JAK2: variants seen among roughly 807,000 people sequenced by gnomAD.
The protein encoded by JAK2 is tyrosine-protein kinase JAK2.
JAK2 carries 86 observed loss-of-function variants against 139.3 expected under a neutral mutation model. That is an observed-to-expected ratio of 0.62 (90% CI 0.52 to 0.74). The LOEUF is 0.74. JAK2 is among the 30% of genes least tolerant of loss of function. JAK2 has a pLI of 0.00. For missense variants in JAK2, 1,421 were observed against 1,360.3 expected (o/e 1.04, Z -0.70); for synonymous variants, 490 against 437.7 (o/e 1.12, Z -1.49).
rs1586816079 is a variant in JAK2, at chr9:5,110,882, A to G, written c.3060-12122A>G. On this transcript the variant is annotated intron_variant, in intron 22 of 24. Transcript: ENST00000381652. ...TGCCGCCGCGCCCAGCAGGGTTTCC[A>G]TGTCTGAGATGCCCGCTCTGGCCCC... is the stretch of plus-strand genomic sequence containing the variant. 1.1e-5 allele frequency: 6 copies of G among 525,844 alleles called. No individual in the cohort carries two copies. In the East Asian group the frequency reaches 1.9e-4, roughly 17 times the overall value. 32.6% of individuals were successfully genotyped at this position (525,844 alleles called of 1,614,324 possible).
rs1047822639 is a variant in JAK2 at position 5,127,983 on chromosome 9, A to ATCTT, written c.*1194_*1197dup. The ATCTT allele has an allele frequency of 3.9e-5, 9 of 231,828 alleles. No homozygotes were observed. The highest frequency in any genetic ancestry group is 1.1e-4 in the African/African-American group (5 of 45,202). The allele number at this position is 231,828 out of a possible 1,614,324, so 14.4% of individuals were successfully genotyped here. On this transcript the variant is annotated 3_prime_UTR_variant, in exon 25 of 25. Transcript: ENST00000381652. Reference sequence around the variant, plus strand: ...TAAGAAAAATGAGCATACATCTTAAATCTTTTCAATTAAGTATAAGGGGTT... The same window carrying ATCTT: ...TAAGAAAAATGAGCATACATCTTAAATCTTTCTTTTCAATTAAGTATAAGGGGTT...
rs1164815757 is a variant in JAK2, at chr9:5,041,500, G to A, written c.351-2903G>A. The A allele has an allele frequency of 1.6e-5, 9 of 579,396 alleles. No homozygotes were observed. In the Admixed American group the frequency reaches 2.0e-4, roughly 13 times the overall value. The allele number at this position is 579,396 out of a possible 1,614,324, so 35.9% of individuals were successfully genotyped here. ...CGATCATGAGCGGTACAGAAGATCG[G>A]GGACACATAGCGCGCCACGCCCATC... On this transcript the variant is annotated intron_variant, in intron 4 of 24. Coordinates refer to ENST00000381652, the MANE Select transcript of JAK2 (RefSeq NM_004972.4).
At chr9:5,052,693 C>T (rs980003187) in intron 6 of JAK2, among the ~76,000 whole-genome samples, 12 of 151,970 alleles carry the variant, frequency 7.9e-5, no homozygotes, top group Non-Finnish European at 1.2e-4. Flanking sequence ...TTTTTGTTTG[C>T]GTGGATTTTC....
chr9:5,047,047 A>G (rs1288921969), intron 5 of JAK2, among the ~76,000 whole-genome samples: 1 of 152,216 alleles, frequency 6.6e-6, no homozygotes, highest in Non-Finnish European at 1.5e-5. Flanking sequence ...CTTATCTAGC[A>G]TGGCAAGGTA....
chr9:5,039,604 A>G lies in JAK2; in HGVS notation c.351-4799A>G, dbSNP rs546048348. 3.3e-5 allele frequency among the ~76,000 whole-genome samples: 5 copies of G among 152,286 alleles called. No individual in the cohort carries two copies. In the East Asian group the frequency reaches 7.7e-4, roughly 23 times the overall value. The stretch of plus-strand genomic sequence containing the variant: ...ATTAAAAATCCTAAGGAATTAATAA[A>G]AAAACTATTAGAACTAATAAATGAG... On this transcript the variant is annotated intron_variant, in intron 4 of 24. Coordinates refer to ENST00000381652, the MANE Select transcript of JAK2 (RefSeq NM_004972.4).
At chr9:5,094,052 A>G (rs1220777340) in intron 22 of JAK2, 1 of 152,228 alleles carries the variant, frequency 6.6e-6, no homozygotes, top group African/African-American at 2.4e-5. Flanking sequence ...GCAATAGCAT[A>G]AAACGTAAAA....
chr9:5,056,263 T>G (rs1243739332), intron 8 of JAK2, among the ~76,000 whole-genome samples: 2 of 152,110 alleles, frequency 1.3e-5, no homozygotes, highest in African/African-American at 4.8e-5. Context: ...TTCTAAAAGA[T>G]TAACGCTTTC....
At chr9:5,001,507 C>CA (rs1359222354) in intron 2 of JAK2, among the ~76,000 whole-genome samples, 1 of 152,028 alleles carries the variant, frequency 6.6e-6, no homozygotes, top group African/African-American at 2.4e-5. Context: ...TTTCAAATGT[C>CA]AAAGCAACCA....
intron 5 of JAK2, among the ~76,000 whole-genome samples, chr9:5,047,423 T>C (rs1183640508): frequency 6.6e-6 from 1 of 152,216 alleles, no homozygotes; most frequent in African/African-American, 2.4e-5. Context: ...TGGGAATTAA[T>C]TGCCTTTATA....
chr9:5,063,898 G>C (rs1001600229), intron 8 of JAK2, among the ~76,000 whole-genome samples: 23 of 152,166 alleles, frequency 1.5e-4, no homozygotes, highest in Admixed American at 6.5e-5. Flanking sequence ...TGACTCACGC[G>C]TGTAATCCCA....
intron 22 of JAK2, chr9:5,112,453 C>G (rs553878411): frequency 6.0e-5 from 32 of 534,476 alleles, no homozygotes; most frequent in African/African-American, 4.2e-4. Context: ...GAAGAAGGAG[C>G]TGAAGGACCC....
chr9:5,032,081 G>A (rs915356899), intron 4 of JAK2, among the ~76,000 whole-genome samples: 8 of 152,220 alleles, frequency 5.3e-5, no homozygotes, highest in Admixed American at 2.6e-4. Flanking sequence ...CTATTCTAAC[G>A]GTATTAGCAA....
intron 2 of JAK2, among the ~76,000 whole-genome samples, chr9:5,009,436 A>AT (rs879759168): frequency 1.9e-4 from 28 of 148,668 alleles, no homozygotes; most frequent in Admixed American, 2.7e-4. Flanking sequence ...ACTAGTCAGG[A>AT]TTTTTTTTTT....
chr9:5,095,605 A>T (rs1448738717), intron 22 of JAK2, among the ~76,000 whole-genome samples: 1 of 152,096 alleles, frequency 6.6e-6, no homozygotes, highest in Admixed American at 6.5e-5. Flanking sequence ...AATGTCTGGC[A>T]TACTTCTCCT....
At chr9:5,003,495 T>G (rs903969755) in intron 2 of JAK2, among the ~76,000 whole-genome samples, 20 of 152,166 alleles carry the variant, frequency 1.3e-4, no homozygotes, top group African/African-American at 4.6e-4. Context: ...ATGATACTAT[T>G]TTTAAATGTT....
intron 2 of JAK2, among the ~76,000 whole-genome samples, chr9:5,005,484 A>G (rs1821237469): frequency 6.6e-6 from 1 of 152,046 alleles, no homozygotes; most frequent in Admixed American, 6.5e-5. Flanking sequence ...TGATTTCTAA[A>G]TGTTAACTTT....
chr9:5,020,872 G>A (rs1822375828), intron 2 of JAK2, among the ~76,000 whole-genome samples: 1 of 152,250 alleles, frequency 6.6e-6, no homozygotes, highest in Admixed American at 6.5e-5. Context: ...GGGCTCCAGG[G>A]TAGGAGGCAT....
chr9:5,113,870 T>A (rs1170101516), intron 22 of JAK2: 2 of 210,920 alleles, frequency 9.5e-6, no homozygotes, highest in African/African-American at 4.7e-5. Context: ...GACTTCACCC[T>A]CCCCACCGTG....
intron 22 of JAK2, chr9:5,112,701 AAG>A: frequency 1.1e-6 from 1 of 878,546 alleles, no homozygotes. Context: ...TTGGAGCAGC[AAG>A]TGCGAGAGCG....
Sources: gnomAD v4.1 joint callset for allele counts (sites outside exome capture counted in the v4.1 genomes callset) on GRCh38, gnomAD v4.1.1 for gene constraint, MANE v1.5 for transcripts, NCBI Gene and HGNC (gene_info 2026-07-23, HGNC 2026-07-21) for gene names.